Variants in DAB1 observed in about 807,000 individuals in gnomAD.
The protein encoded by DAB1 is DAB adaptor protein 1.
In DAB1, 15 loss-of-function variants were observed where a neutral mutation model predicts 64.6. The observed-to-expected ratio is 0.23, with a 90% CI of 0.16 to 0.36. DAB1 has a LOEUF of 0.36. Ranked by LOEUF, DAB1 falls within the 10% of genes least tolerant of loss-of-function variation. The pLI is 1.00. For missense variants in DAB1, 596 were observed against 706.7 expected, an observed-to-expected ratio of 0.84 and a Z score of 1.78; for synonymous variants, 235 against 251.9, an observed-to-expected ratio of 0.93 and a Z score of 0.64.
At chr1:57,946,032 T>A (rs1362671807) in intron 5 of DAB1, among the ~76,000 whole-genome samples, 2 of 152,152 alleles carry the variant, frequency 1.3e-5, no homozygotes, top group African/African-American at 4.8e-5. Flanking sequence ...CTACTCCATT[T>A]CACAGGTGAA....
chr1:58,075,949 GCA>G (rs142916993), intron 5 of DAB1, among the ~76,000 whole-genome samples: 1 of 150,386 alleles, frequency 6.6e-6, no homozygotes, highest in East Asian at 2.0e-4. Flanking sequence ...TCTCTCACAG[GCA>G]CACACACACA....
upstream of DAB1, among the ~76,000 whole-genome samples, chr1:57,888,704 A>T (rs370504087): frequency 3.3e-5 from 5 of 152,340 alleles, no homozygotes; most frequent in African/African-American, 1.2e-4. Flanking sequence ...AAAGAAACAA[A>T]CCTATCCTTG....
At chr1:58,362,170 C>T (rs1349415948) in intron 3 of DAB1, among the ~76,000 whole-genome samples, 1 of 152,164 alleles carries the variant, frequency 6.6e-6, no homozygotes, top group Non-Finnish European at 1.5e-5. Context: ...ACTGCTCCAT[C>T]CCAGTCTCCA....
At chr1:57,731,469 C>T (rs1647412836) in intron 6 of DAB1, among the ~76,000 whole-genome samples, 1 of 151,924 alleles carries the variant, frequency 6.6e-6, no homozygotes, top group Non-Finnish European at 1.5e-5. Context: ...TTGTTTTATG[C>T]TATGTATATC....
intron 4 of DAB1, among the ~76,000 whole-genome samples, chr1:58,198,686 G>C (rs1431953189): frequency 6.6e-6 from 1 of 152,038 alleles, no homozygotes; most frequent in Non-Finnish European, 1.5e-5. Context: ...AGGGATTACA[G>C]TTCCTTGGCT....
At chr1:57,452,472 C>T (rs1348365362) in intron 7 of DAB1, among the ~76,000 whole-genome samples, 1 of 152,022 alleles carries the variant, frequency 6.6e-6, no homozygotes, top group Non-Finnish European at 1.5e-5. Context: ...AAAGCTGAGG[C>T]TTAGAAAGAT....
At chr1:58,065,188 G>C (rs1402399589) in intron 5 of DAB1, among the ~76,000 whole-genome samples, 7 of 152,148 alleles carry the variant, frequency 4.6e-5, no homozygotes, top group African/African-American at 1.7e-4. Context: ...AGCACTGATA[G>C]TTTCCAGGAT....
chr1:57,606,592 TTA>T lies in DAB1; in HGVS notation n.625+42998_625+42999del, dbSNP rs370104591. Among the ~76,000 whole-genome samples the T allele has an allele frequency of 1.6e-4, 8 of 48,944 alleles. 1 individual carries two copies. Among genetic ancestry groups the T allele is most frequent in the Non-Finnish European group, 3.2e-4 (8 of 25,156 alleles). The allele number at this position is 48,944 out of a possible 152,430, so 32.1% of individuals were successfully genotyped here. On this transcript the variant is annotated intron_variant and non_coding_transcript_variant, in intron 7 of 20. Transcript: ENST00000485760. ...TATATGAAATATATAATATAATATA[TTA>T]TATATTATATATATGAAATATATAA... is the stretch of plus-strand genomic sequence containing the variant.
intron 1 of DAB1, among the ~76,000 whole-genome samples, chr1:57,400,802 T>A (rs1011008898): frequency 1.1e-4 from 17 of 151,938 alleles, no homozygotes; most frequent in African/African-American, 4.1e-4. Flanking sequence ...CAAAGAGCAA[T>A]CATGAAATGG....
intron 5 of DAB1, among the ~76,000 whole-genome samples, chr1:57,926,689 A>C (rs1415818987): frequency 6.6e-6 from 1 of 152,202 alleles, no homozygotes; most frequent in East Asian, 1.9e-4. Context: ...CCACATATAC[A>C]AGTGTCAGAT....
At chr1:57,459,140 A>G (rs1285264092) in intron 7 of DAB1, among the ~76,000 whole-genome samples, 5 of 152,134 alleles carry the variant, frequency 3.3e-5, no homozygotes, top group African/African-American at 1.2e-4. Context: ...TCTTTCAATC[A>G]ATCTGTGAAT....
rs550591559 is a variant in DAB1 at position 57,462,619 on chromosome 1, C to A, written n.626-171453G>T. On this transcript the variant is annotated intron_variant and non_coding_transcript_variant, in intron 7 of 20. Transcript: ENST00000485760. ...TAACTCATTTTTCTTCTTACAACAA[C>A]CCTATGAGAGGGTCGTACTGCTCCC... Among the ~76,000 whole-genome samples, 17 of 152,268 alleles carry A rather than the reference C, an allele frequency of 1.1e-4. No individual in the cohort carries two copies. The South Asian group carries it at 2.3e-3, about 20-fold the overall frequency.
At chr1:58,540,904 T>C (rs905808004) in intron 1 of DAB1, among the ~76,000 whole-genome samples, 3 of 151,564 alleles carry the variant, frequency 2.0e-5, no homozygotes, top group African/African-American at 7.3e-5. Flanking sequence ...TAACAAATCC[T>C]ACACAAAAGA....
chr1:57,846,355 G>A (rs1653283108), intron 1 of DAB1, among the ~76,000 whole-genome samples: 1 of 151,690 alleles, frequency 6.6e-6, no homozygotes, highest in South Asian at 2.1e-4. Context: ...GTACTCAGGA[G>A]GCTGAGGCAG....
At chr1:57,946,494 G>A (rs529876083) in intron 5 of DAB1, among the ~76,000 whole-genome samples, 1 of 152,304 alleles carries the variant, frequency 6.6e-6, no homozygotes, top group East Asian at 1.9e-4. Context: ...AATAGGATCT[G>A]TGTGTTAGGG....
rs1647465453 is a variant in DAB1 at position 57,039,618 on chromosome 1, C to T, written c.724-13575G>A. 1.3e-5 allele frequency among the ~76,000 whole-genome samples: 2 copies of T among 152,166 alleles called. 1 individual carries two copies. Among genetic ancestry groups the T allele is most frequent in the African/African-American group, 4.8e-5 (2 of 41,432 alleles). ...GAGTCTGCCTCATCATTCCACCCACCCCACCCTTTCTCCTTCCCACTCTTC... is the reference window on the plus strand; with the variant it reads ...GAGTCTGCCTCATCATTCCACCCACTCCACCCTTTCTCCTTCCCACTCTTC... On this transcript the variant is annotated intron_variant, in intron 9 of 14. Coordinates refer to ENST00000371236, the MANE Select transcript of DAB1 (RefSeq NM_001365792.1).
intron 6 of DAB1, among the ~76,000 whole-genome samples, chr1:57,674,350 C>T (rs931403390): frequency 6.6e-6 from 1 of 152,144 alleles, no homozygotes; most frequent in Admixed American, 6.6e-5. Context: ...AGAGAGGCCT[C>T]GTAACTGACT....
chr1:57,126,667 A>G (rs554665709), intron 4 of DAB1, among the ~76,000 whole-genome samples: 1 of 152,260 alleles, frequency 6.6e-6, no homozygotes, highest in East Asian at 1.9e-4. Flanking sequence ...TATCATTACT[A>G]TTGTTTTCAT....
intron 5 of DAB1, among the ~76,000 whole-genome samples, chr1:57,984,256 G>GAAAAAAAAA (rs113729930): frequency 1.6e-5 from 2 of 128,910 alleles, no homozygotes; most frequent in African/African-American, 6.1e-5. Context: ...AAGAAAGAAA[G>GAAAAAAAAA]AAAGAAAAAA....
Sources: allele counts gnomAD v4.1 joint callset (sites outside exome capture counted in the v4.1 genomes callset), GRCh38; gene constraint gnomAD v4.1.1; transcripts MANE v1.5; gene names NCBI Gene and HGNC (gene_info 2026-07-23, HGNC 2026-07-21).